Variants in SPMAP2L observed in about 807,000 individuals in gnomAD.
SPMAP2L encodes the protein sperm microtubule associated protein 2 like.
chr4:56,595,622 G>A, the SPMAP2L span: 2 of 1,268,622 alleles, frequency 1.6e-6, no homozygotes, highest in Middle Eastern at 2.0e-4. Flanking sequence ...TGATTGCCCG[G>A]ATTGATGACA....
chr4:56,546,685 A>C, the SPMAP2L span, among the ~76,000 whole-genome samples: 1 of 152,244 alleles, frequency 6.6e-6, no homozygotes. Context: ...AAAGAGCAAT[A>C]GCAAAGAGTT....
the SPMAP2L span, among the ~76,000 whole-genome samples, chr4:56,582,215 A>G: frequency 2.0e-5 from 3 of 152,198 alleles, no homozygotes; most frequent in Non-Finnish European, 2.9e-5. Context: ...CTTCATCAAA[A>G]GTAACTTTTA....
chr4:56,573,455 C>T, the SPMAP2L span, among the ~76,000 whole-genome samples: 1 of 152,116 alleles, frequency 6.6e-6, no homozygotes, highest in African/African-American at 2.4e-5. Context: ...CTATCTCTCA[C>T]TCACTGCTTG....
the SPMAP2L span, among the ~76,000 whole-genome samples, chr4:56,565,038 T>C: frequency 6.6e-6 from 1 of 152,208 alleles, no homozygotes; most frequent in South Asian, 2.1e-4. Flanking sequence ...TTCTGCATTA[T>C]TTTAGTCCTT....
the SPMAP2L span, among the ~76,000 whole-genome samples, chr4:56,569,769 C>T: frequency 6.6e-6 from 1 of 151,952 alleles, no homozygotes; most frequent in African/African-American, 2.4e-5. Context: ...TGCATTCCAG[C>T]ATGGGTGATA....
chr4:56,591,265 G>A, the SPMAP2L span, among the ~76,000 whole-genome samples: 2 of 152,090 alleles, frequency 1.3e-5, no homozygotes, highest in African/African-American at 4.8e-5. Flanking sequence ...CATGTAAGAT[G>A]TGCTTCCCCT....
At chr4:56,616,919 T>C in the SPMAP2L span, among the ~76,000 whole-genome samples, 3,124 of 152,288 alleles carry the variant, frequency 0.021, 99 homozygotes, top group African/African-American at 0.068. Context: ...AAACAAGAGA[T>C]CTACCCCCTT....
chr4:56,547,744 T>C, the SPMAP2L span, among the ~76,000 whole-genome samples: 2 of 152,166 alleles, frequency 1.3e-5, no homozygotes, highest in Admixed American at 1.3e-4. Flanking sequence ...TTCAAAACTC[T>C]TGGATGGGAT....
the SPMAP2L span, among the ~76,000 whole-genome samples, chr4:56,540,604 AAG>A: frequency 1.3e-5 from 2 of 152,056 alleles, no homozygotes; most frequent in South Asian, 2.1e-4. Flanking sequence ...GAAAGAAAGA[AAG>A]AGAGAGAAAG....
chr4:56,597,501 G>T, the SPMAP2L span, among the ~76,000 whole-genome samples: 1 of 152,092 alleles, frequency 6.6e-6, no homozygotes, highest in Non-Finnish European at 1.5e-5. Context: ...GTTTCACCCT[G>T]TTTCAAGGAA....
the SPMAP2L span, among the ~76,000 whole-genome samples, chr4:56,602,869 T>C: frequency 1.2e-4 from 19 of 152,160 alleles, no homozygotes; most frequent in African/African-American, 3.4e-4. Context: ...TGTTTTAACA[T>C]TGACAAATTA....
the SPMAP2L span, chr4:56,548,902 C>A: frequency 1.0e-6 from 1 of 1,000,302 alleles, no homozygotes; most frequent in Non-Finnish European, 1.3e-6. Flanking sequence ...ATTCATTTGA[C>A]GTGGGTCTAC....
At chr4:56,536,771 A>G in the SPMAP2L span, among the ~76,000 whole-genome samples, 1 of 151,956 alleles carries the variant, frequency 6.6e-6, no homozygotes, top group Non-Finnish European at 1.5e-5. Flanking sequence ...TATTATTATT[A>G]TTACTATTTT....
At chr4:56,616,887 T>G in the SPMAP2L span, among the ~76,000 whole-genome samples, 18 of 152,232 alleles carry the variant, frequency 1.2e-4, no homozygotes, top group Non-Finnish European at 2.2e-4. Context: ...TATTTTATTT[T>G]ATTTATTGTG....
chr4:56,533,728 A>G, the SPMAP2L span, among the ~76,000 whole-genome samples: 1 of 151,438 alleles, frequency 6.6e-6, no homozygotes. Context: ...TGGAAGGATC[A>G]CTTGAGGCTG....
chr4:56,549,376 A>G, the SPMAP2L span, among the ~76,000 whole-genome samples: 3 of 152,154 alleles, frequency 2.0e-5, no homozygotes, highest in Non-Finnish European at 4.4e-5. Context: ...GGGATTTGGG[A>G]TTCTGCACTG....
At chr4:56,536,520 G>A in the SPMAP2L span, among the ~76,000 whole-genome samples, 3 of 152,164 alleles carry the variant, frequency 2.0e-5, no homozygotes, top group Admixed American at 6.5e-5. Flanking sequence ...ATGGAGGCAG[G>A]ACCTTTGTCT....
the SPMAP2L span, among the ~76,000 whole-genome samples, chr4:56,598,987 T>G: frequency 7.2e-3 from 1,096 of 152,166 alleles, 13 homozygotes; most frequent in African/African-American, 0.025. Context: ...CCCCCGACCA[T>G]GTAAGATGTG....
At chr4:56,571,000 C>T in the SPMAP2L span, among the ~76,000 whole-genome samples, 4 of 151,836 alleles carry the variant, frequency 2.6e-5, no homozygotes, top group East Asian at 1.9e-4. Flanking sequence ...GTCAGGGTTT[C>T]GCCATGTTGG....
Sources: allele counts gnomAD v4.1 joint callset (sites outside exome capture counted in the v4.1 genomes callset), GRCh38; gene constraint gnomAD v4.1.1; transcripts MANE v1.5; gene names NCBI Gene and HGNC (gene_info 2026-07-23, HGNC 2026-07-21).